Variants in TMEM117 observed in about 807,000 individuals in gnomAD.
TMEM117 encodes transmembrane protein 117.
A neutral mutation model predicts 52.4 loss-of-function variants in TMEM117; 27 were observed. That is an observed-to-expected ratio of 0.51 (90% CI 0.38 to 0.71). The LOEUF (loss-of-function observed/expected upper bound fraction) is 0.71. TMEM117 is among the 30% of genes least tolerant of loss of function. The pLI, the probability that TMEM117 is intolerant of heterozygous loss-of-function variation, is 0.00. For synonymous variants in TMEM117, 215 were observed against 206.3 expected (o/e 1.04, Z -0.36); for missense variants, 556 against 630.5 (o/e 0.88, Z 1.26).
At chr12:44,248,316 C>T (rs182425863) in intron 5 of TMEM117, 293 of 152,384 alleles carry the variant, frequency 1.9e-3, no homozygotes, top group Non-Finnish European at 2.8e-3. Flanking sequence ...GCTAATTGAC[C>T]GATCTGTACC....
chr12:43,817,891 A>G, the TMEM117 span, among the ~76,000 whole-genome samples: 1 of 152,214 alleles, frequency 6.6e-6, no homozygotes, highest in Non-Finnish European at 1.5e-5. Flanking sequence ...GCCATATCTC[A>G]GTTTATCTCA....
chr12:44,333,511 C>A (rs1347973940), intron 6 of TMEM117, among the ~76,000 whole-genome samples: 3 of 151,916 alleles, frequency 2.0e-5, no homozygotes, highest in Admixed American at 2.0e-4. Context: ...TACCCCCATG[C>A]TGTAATCATG....
intron 3 of TMEM117, among the ~76,000 whole-genome samples, chr12:44,041,263 G>A (rs1167615168): frequency 9.3e-6 from 1 of 107,946 alleles, no homozygotes; most frequent in East Asian, 2.8e-4. Flanking sequence ...CCCCACAACA[G>A]GCCCCAGTGT....
At chr12:44,072,669 A>G (rs969296478) in intron 3 of TMEM117, among the ~76,000 whole-genome samples, 4 of 152,264 alleles carry the variant, frequency 2.6e-5, no homozygotes, top group Non-Finnish European at 5.9e-5. Flanking sequence ...CAGCTTGAAT[A>G]TAACAAATAA....
Position 44,293,620 on chromosome 12 carries a change from G to A in TMEM117, c.609-5960G>A, listed in dbSNP as rs561576202. Among the ~76,000 whole-genome samples, 10 of 151,798 alleles carry A rather than the reference G, an allele frequency of 6.6e-5. 1 individual carries two copies. Among genetic ancestry groups the A allele is most frequent in the Non-Finnish European group, 1.3e-4 (9 of 67,880 alleles). On this transcript the variant is annotated intron_variant, in intron 5 of 7. Transcript: ENST00000266534. ...TCTTTGTGGTTACAATGAGGCTTGC[G>A]TAAAAGATCTTATAACATTCCATTT...
At chr12:44,027,695 G>A (rs1055450392) in intron 3 of TMEM117, among the ~76,000 whole-genome samples, 7 of 152,102 alleles carry the variant, frequency 4.6e-5, no homozygotes, top group African/African-American at 1.4e-4. Flanking sequence ...TCTTAACAGT[G>A]ACTAAATGGA....
At chr12:44,093,895 T>C (rs1947713908) in intron 3 of TMEM117, among the ~76,000 whole-genome samples, 1 of 152,064 alleles carries the variant, frequency 6.6e-6, no homozygotes. Context: ...TGCATATCAT[T>C]GTGCATGATT....
At chr12:44,202,207 G>T (rs1281177578) in intron 4 of TMEM117, among the ~76,000 whole-genome samples, 2 of 151,974 alleles carry the variant, frequency 1.3e-5, no homozygotes, top group Admixed American at 1.3e-4. Context: ...TAAATAAATA[G>T]AAAATATTAA....
intron 3 of TMEM117, among the ~76,000 whole-genome samples, chr12:43,988,814 T>G (rs1945890353): frequency 6.6e-6 from 1 of 152,114 alleles, no homozygotes; most frequent in African/African-American, 2.4e-5. Context: ...ATCGTTGGTA[T>G]TTTGCAAAAC....
intron 2 of TMEM117, among the ~76,000 whole-genome samples, chr12:43,929,056 T>C (rs868349269): frequency 6.4e-4 from 97 of 151,638 alleles, no homozygotes; most frequent in Middle Eastern, 3.4e-3. Context: ...AATAAACATA[T>C]GTGTGCATGT....
intron 1 of TMEM117, among the ~76,000 whole-genome samples, 176 bp downstream of exon 1, chr12:43,836,372 T>A (rs1259829447): frequency 6.6e-6 from 1 of 152,202 alleles, no homozygotes; most frequent in Non-Finnish European, 1.5e-5. Context: ...CCTCTGCTCC[T>A]GCCTTCCTGG....
intron 3 of TMEM117, among the ~76,000 whole-genome samples, chr12:44,037,804 C>T (rs937330759): frequency 9.9e-5 from 15 of 152,064 alleles, no homozygotes; most frequent in Admixed American, 8.5e-4. Context: ...TTTGGGCAGA[C>T]GTCAGGACTA....
intron 6 of TMEM117, among the ~76,000 whole-genome samples, chr12:44,370,194 C>A (rs1951843326): frequency 6.6e-6 from 1 of 152,194 alleles, no homozygotes; most frequent in Admixed American, 6.5e-5. Flanking sequence ...TTGGTTCAAC[C>A]CAACAAACAT....
intron 4 of TMEM117, among the ~76,000 whole-genome samples, chr12:44,189,877 A>G (rs1949328502): frequency 6.6e-6 from 1 of 152,236 alleles, no homozygotes. Context: ...TATATGCTAG[A>G]TGAGATGGCT....
intron 3 of TMEM117, among the ~76,000 whole-genome samples, chr12:43,999,309 T>C (rs1216459246): frequency 6.6e-6 from 1 of 152,204 alleles, no homozygotes; most frequent in African/African-American, 2.4e-5. Context: ...TCTTTTAAAA[T>C]GCATATAAAT....
intron 3 of TMEM117, 24 bp downstream of exon 3, chr12:43,944,366 C>A (rs756490793): frequency 6.3e-7 from 1 of 1,599,308 alleles, no homozygotes; most frequent in Admixed American, 1.7e-5. Context: ...CCCCTTTCTA[C>A]TGTGGTGAGT....
intron 4 of TMEM117, among the ~76,000 whole-genome samples, chr12:44,168,712 T>C (rs73290254): frequency 0.078 from 11,874 of 152,232 alleles, 1,402 homozygotes; most frequent in African/African-American, 0.26. Context: ...AAAACGTACA[T>C]AACATAAAAT....
chr12:44,066,578 ATGTACAC>A (rs1947224668), intron 3 of TMEM117, among the ~76,000 whole-genome samples: 2 of 152,220 alleles, frequency 1.3e-5, no homozygotes, highest in Admixed American at 1.3e-4. Context: ...TAAAAGCTAT[ATGTACAC>A]TATACTGTAG....
chr12:43,808,140 G>GTT, the TMEM117 span, among the ~76,000 whole-genome samples: 1 of 152,086 alleles, frequency 6.6e-6, no homozygotes, highest in Non-Finnish European at 1.5e-5. Flanking sequence ...CAGATAAGAG[G>GTT]GTTTATTATA....
Sources: gnomAD v4.1 joint callset for allele counts (sites outside exome capture counted in the v4.1 genomes callset) on GRCh38, gnomAD v4.1.1 for gene constraint, MANE v1.5 for transcripts, NCBI Gene and HGNC (gene_info 2026-07-23, HGNC 2026-07-21) for gene names.